The following NEDD4L variants were observed in gnomAD, a reference collection of about 807,000 sequenced individuals.
The protein encoded by NEDD4L is E3 ubiquitin-protein ligase NEDD4-like.
Under a neutral mutation model 148.9 loss-of-function variants are expected in NEDD4L, and 54 were observed. The ratio of observed to expected loss-of-function variants is 0.36; its 90% CI spans 0.29 to 0.45. The LOEUF is 0.45. NEDD4L is among the 20% of genes least tolerant of loss of function. The pLI is 1.00. For synonymous variants in NEDD4L, 433 were observed against 440.7 expected (o/e 0.98, Z 0.22); for missense variants, 856 against 1,233.8 (o/e 0.69, Z 4.59).
At chr18:58,376,539 C>T (rs537211857) in intron 24 of NEDD4L, among the ~76,000 whole-genome samples, 40 of 152,266 alleles carry the variant, frequency 2.6e-4, no homozygotes, top group African/African-American at 8.9e-4. Flanking sequence ...AGTCCATCAG[C>T]GAGTTGTTCA....
chr18:58,193,288 G>A (rs955029415), intron 2 of NEDD4L, among the ~76,000 whole-genome samples: 7 of 152,152 alleles, frequency 4.6e-5, no homozygotes, highest in Non-Finnish European at 8.8e-5. Flanking sequence ...TAATATACTG[G>A]GGTAATGGAA....
chr18:58,096,432 C>T (rs1209903770), intron 1 of NEDD4L, among the ~76,000 whole-genome samples: 1 of 144,420 alleles, frequency 6.9e-6, no homozygotes, highest in East Asian at 2.0e-4. Context: ...TTGACAGAGT[C>T]TTGCTCTGTC....
intron 9 of NEDD4L, among the ~76,000 whole-genome samples, chr18:58,328,338 A>G (rs2059496114): frequency 6.6e-6 from 1 of 152,230 alleles, no homozygotes; most frequent in Admixed American, 6.5e-5. Context: ...AAAATAGGGT[A>G]TGATGTTTTG....
At position 58,342,910 on chromosome 18, in the gene NEDD4L, C is replaced by G. The variant is rs1341466598; in HGVS notation, c.1382C>G (p.Ala461Gly). Residue 461 changes from alanine (A) to glycine (G), a missense_variant, in exon 16 of 31, where the codon GCC (alanine) becomes GGC (glycine). Physicochemically the swap from Ala to Gly is moderately conservative, Grantham distance 60. Around this residue, in one of 4 missense-constraint regions of NEDD4L, gnomAD observed 367 missense variants for 422.7 expected, o/e 0.87. Transcript: ENST00000400345. ...ATCCTCATTGTTATTCTTTAGGGTG[C>G]CAAGGACTCACCCGTACGTCGGGCT... ...TVTLSAPLEG[A>G]KDSPVRRAVK... is the part of the protein sequence containing the mutation. 6.2e-7 allele frequency: 1 copy of G among 1,604,344 alleles called. No homozygotes were observed.
rs558168144 is a variant in NEDD4L at position 58,235,710 on chromosome 18, G to A, written c.123-9717G>A. ...GACTGGTCAAGGAATTGACTTTCAG[G>A]GTTCCAAGGGAATAATTAGTTCAGA... On this transcript the variant is annotated intron_variant, in intron 2 of 30. Transcript: ENST00000400345. Among the ~76,000 whole-genome samples the A allele has an allele frequency of 2.3e-4, 35 of 152,102 alleles. 1 individual carries two copies. The South Asian group carries it at 7.1e-3, about 31-fold the overall frequency.
intron 2 of NEDD4L, among the ~76,000 whole-genome samples, chr18:58,187,815 CCCCCCA>C (rs2039639727): frequency 6.6e-6 from 1 of 151,930 alleles, no homozygotes; most frequent in African/African-American, 2.4e-5. Flanking sequence ...CTCACCACCG[CCCCCCA>C]CCCCCATGTG....
chr18:58,076,561 G>A lies in NEDD4L; in HGVS notation c.48+31853G>A, dbSNP rs976467224. 7.2e-5 allele frequency among the ~76,000 whole-genome samples: 11 copies of A among 152,208 alleles called. 1 individual carries two copies. The highest frequency in any genetic ancestry group is 2.4e-4 in the African/African-American group (10 of 41,518). ...GGCCAAAAGACTTTTTAAAAATCCT[G>A]TTTGAGGTTTGGATCCATTTTCTTT... is the stretch of plus-strand genomic sequence containing the variant. On this transcript the variant is annotated intron_variant, in intron 1 of 30. Coordinates refer to ENST00000400345, the MANE Select transcript of NEDD4L (RefSeq NM_001144967.3).
intron 2 of NEDD4L, among the ~76,000 whole-genome samples, chr18:58,208,300 T>C (rs781714471): frequency 5.3e-5 from 8 of 152,216 alleles, no homozygotes; most frequent in Non-Finnish European, 1.0e-4. Flanking sequence ...GTATTTGCTC[T>C]AACTAACAGA....
At chr18:58,124,498 C>T (rs1284196925) in intron 1 of NEDD4L, among the ~76,000 whole-genome samples, 2 of 152,230 alleles carry the variant, frequency 1.3e-5, no homozygotes, top group Non-Finnish European at 2.9e-5. Flanking sequence ...CCCAAACCTT[C>T]CAACACTCTC....
chr18:58,173,433 G>C (rs770576109), intron 2 of NEDD4L, among the ~76,000 whole-genome samples: 2 of 152,216 alleles, frequency 1.3e-5, no homozygotes, highest in African/African-American at 2.4e-5. Context: ...GTTGCTATCA[G>C]TTTTTCTTTT....
At chr18:58,117,845 G>A (rs1310493235) in intron 1 of NEDD4L, among the ~76,000 whole-genome samples, 2 of 152,150 alleles carry the variant, frequency 1.3e-5, no homozygotes, top group Non-Finnish European at 2.9e-5. Context: ...TCCATGACAT[G>A]GAGTGTATAG....
intron 5 of NEDD4L, among the ~76,000 whole-genome samples, chr18:58,277,521 G>A (rs924195932): frequency 1.3e-5 from 2 of 151,994 alleles, no homozygotes; most frequent in East Asian, 1.9e-4. Flanking sequence ...TAGGCTCCTC[G>A]GCAGCTAGGT....
intron 10 of NEDD4L, 30 bp downstream of exon 10, chr18:58,329,157 C>T (rs770840064): frequency 1.2e-5 from 20 of 1,605,390 alleles, no homozygotes; most frequent in East Asian, 4.5e-5. Flanking sequence ...GTGCAAAGCC[C>T]GGCAGCTCCT....
chr18:58,051,913 G>A (rs944950838), intron 1 of NEDD4L, among the ~76,000 whole-genome samples: 3 of 152,102 alleles, frequency 2.0e-5, no homozygotes, highest in Non-Finnish European at 4.4e-5. Context: ...TTTTTACATT[G>A]TTTCTCTTCC....
At chr18:58,090,029 G>A (rs910656032) in intron 1 of NEDD4L, among the ~76,000 whole-genome samples, 5 of 151,896 alleles carry the variant, frequency 3.3e-5, no homozygotes, top group Non-Finnish European at 5.9e-5. Flanking sequence ...TAGTAGAGAC[G>A]GGGTTTCACC....
chr18:58,125,330 A>G (rs2030845682), intron 1 of NEDD4L, among the ~76,000 whole-genome samples: 1 of 151,236 alleles, frequency 6.6e-6, no homozygotes, highest in South Asian at 2.1e-4. Flanking sequence ...TCTTAACTGT[A>G]ACACTGTCCT....
In NEDD4L at chr18:58,093,142, T is replaced by C. The variant is rs140631315; in HGVS notation, c.48+48434T>C. Among the ~76,000 whole-genome samples the C allele has an allele frequency of 1.1e-3, 168 of 152,316 alleles. 1 individual carries two copies. Among genetic ancestry groups the C allele is most frequent in the African/African-American group, 3.9e-3 (161 of 41,578 alleles). On this transcript the variant is annotated intron_variant, in intron 1 of 30. Transcript: ENST00000400345. Reference sequence around the variant, plus strand: ...TGACCAGGGGCTTGTAATATGAGTGTCACTTAGGCAACAGGACATTTCAAT... The same window carrying C: ...TGACCAGGGGCTTGTAATATGAGTGCCACTTAGGCAACAGGACATTTCAAT...
rs553228793 is a variant in NEDD4L, at chr18:58,323,539, C to T, written c.513+205C>T. On this transcript the variant is annotated intron_variant, in intron 8 of 30. Transcript: ENST00000400345. Reference sequence around the variant, plus strand: ...AACTTTTTATGTTACAACACCAATCCTCGGAGAGATTTCTCTTTAGACAAT... The same window carrying T: ...AACTTTTTATGTTACAACACCAATCTTCGGAGAGATTTCTCTTTAGACAAT... Among the ~76,000 whole-genome samples the T allele has an allele frequency of 2.6e-5, 4 of 152,276 alleles. No individual in the cohort carries two copies. In the East Asian group the frequency reaches 5.8e-4, roughly 22 times the overall value.
intron 5 of NEDD4L, among the ~76,000 whole-genome samples, chr18:58,283,900 A>G (rs757389998): frequency 1.6e-4 from 25 of 152,172 alleles, no homozygotes; most frequent in Non-Finnish European, 3.5e-4. Flanking sequence ...GTAGCCTTAT[A>G]AAAAAGGGAA....
Sources: allele counts gnomAD v4.1 joint callset (sites outside exome capture counted in the v4.1 genomes callset), GRCh38; gene constraint gnomAD v4.1.1; regional missense constraint gnomAD v4.1.1; transcripts MANE v1.5; gene names NCBI Gene and HGNC (gene_info 2026-07-23, HGNC 2026-07-21).